The following CPEB1 variants were observed in gnomAD, a reference collection of about 807,000 sequenced individuals.
CPEB1 encodes cytoplasmic polyadenylation element binding protein 1, also known as cytoplasmic polyadenylation element-binding protein 1.
In CPEB1, 7 loss-of-function variants were observed where a neutral mutation model predicts 65.8. That is an observed-to-expected ratio of 0.11 (90% CI 0.06 to 0.20). The LOEUF (loss-of-function observed/expected upper bound fraction) is 0.20, where lower values mean the gene tolerates loss of function less well. Among genes scored for constraint, CPEB1 ranks in the 10% least tolerant of loss-of-function variants. The pLI is 1.00. For synonymous variants in CPEB1, 262 were observed against 260.0 expected (o/e 1.01, Z -0.08); for missense variants, 551 against 712.2 (o/e 0.77, Z 2.58).
chr15:82,631,315 C>T (rs897693918), intron 1 of CPEB1, among the ~76,000 whole-genome samples: 2 of 152,030 alleles, frequency 1.3e-5, no homozygotes, highest in African/African-American at 4.8e-5. Flanking sequence ...CAAGCCAGAG[C>T]TCTAGCTTAA....
intron 4 of CPEB1, among the ~76,000 whole-genome samples, chr15:82,559,978 G>A (rs891708300): frequency 6.6e-6 from 1 of 152,260 alleles, no homozygotes; most frequent in East Asian, 1.9e-4. Flanking sequence ...CAGCTACTCG[G>A]GAAGCTGAGG....
chr15:82,581,887 C>T (rs1383563823), intron 3 of CPEB1, among the ~76,000 whole-genome samples: 2 of 152,212 alleles, frequency 1.3e-5, no homozygotes, highest in Non-Finnish European at 2.9e-5. Context: ...CTGACTCAAG[C>T]TGGGCAAGAA....
At chr15:82,613,872 C>T (rs533024120) in intron 3 of CPEB1, among the ~76,000 whole-genome samples, 16 of 152,206 alleles carry the variant, frequency 1.1e-4, no homozygotes, top group Admixed American at 7.2e-4. Flanking sequence ...CCGCTCCCCC[C>T]TCAATGCCCC....
chr15:82,608,597 T>C (rs1395976329), intron 3 of CPEB1, among the ~76,000 whole-genome samples: 2 of 152,348 alleles, frequency 1.3e-5, no homozygotes, highest in South Asian at 4.1e-4. Flanking sequence ...TTGTTTTTAG[T>C]TTTTAAACAA....
chr15:82,614,197 C>A (rs769005713), intron 3 of CPEB1, among the ~76,000 whole-genome samples: 1 of 152,172 alleles, frequency 6.6e-6, no homozygotes, highest in Non-Finnish European at 1.5e-5. Flanking sequence ...TGGAGTGCAG[C>A]AGCATTATCA....
At chr15:82,634,798 A>G (rs188598742) in intron 1 of CPEB1, among the ~76,000 whole-genome samples, 4 of 152,254 alleles carry the variant, frequency 2.6e-5, no homozygotes, top group African/African-American at 9.6e-5. Flanking sequence ...AGAAAGTAAT[A>G]TACTTAGATG....
chr15:82,613,033 GAAA>G (rs919916133), intron 3 of CPEB1, among the ~76,000 whole-genome samples: 1 of 139,298 alleles, frequency 7.2e-6, no homozygotes, highest in Admixed American at 7.2e-5. Flanking sequence ...GAACAGCGAG[GAAA>G]AAAAAAAACT....
chr15:82,643,295 T>C (rs587709401), intron 1 of CPEB1, among the ~76,000 whole-genome samples: 3 of 152,212 alleles, frequency 2.0e-5, no homozygotes, highest in Non-Finnish European at 2.9e-5. Flanking sequence ...CAGAAAAAAA[T>C]TCTTTGGCAA....
chr15:82,591,605 T>A (rs2042258150), intron 3 of CPEB1, among the ~76,000 whole-genome samples: 2 of 152,106 alleles, frequency 1.3e-5, no homozygotes, highest in Non-Finnish European at 2.9e-5. Context: ...AAAGCTTTTT[T>A]CATATGCTTG....
chr15:82,606,200 G>A (rs1465270803), intron 3 of CPEB1, among the ~76,000 whole-genome samples: 1 of 152,132 alleles, frequency 6.6e-6, no homozygotes, highest in Non-Finnish European at 1.5e-5. Flanking sequence ...GGGCATGGTG[G>A]CTCACGCCTG....
At position 82,579,918 on chromosome 15, in the gene CPEB1, C is replaced by CAAAAAAAAA. The variant is rs59925251; in HGVS notation, c.272-8395_272-8387dup. The stretch of plus-strand genomic sequence containing the variant: ...TGGGCGACAGAGTGAGACTCCGTCT[C>CAAAAAAAAA]AAAAAAAAAAAAAAAAAAAAAAAAA... On this transcript the variant is annotated intron_variant, in intron 3 of 12. Transcript: ENST00000684509. 1.8e-4 allele frequency among the ~76,000 whole-genome samples: 6 copies of CAAAAAAAAA among 32,676 alleles called. 1 individual carries two copies. The highest frequency in any genetic ancestry group is 8.8e-4 in the Admixed American group (2 of 2,262). The allele number at this position is 32,676 out of a possible 152,430, so 21.4% of individuals were successfully genotyped here.
chr15:82,619,802 A>T lies in CPEB1; in HGVS notation c.271+7391T>A, dbSNP rs1303446187. Among the ~76,000 whole-genome samples the T allele has an allele frequency of 7.2e-5, 11 of 152,268 alleles. No homozygotes were observed. In the East Asian group the frequency reaches 1.9e-3, roughly 27 times the overall value. On this transcript the variant is annotated intron_variant, in intron 3 of 12. Transcript: ENST00000684509. ...CAATTATTGATGAGGATATGAAACA[A>T]CCCAAACCATCGTACACCACTGGAA...
At chr15:82,611,617 C>A (rs1217160799) in intron 3 of CPEB1, among the ~76,000 whole-genome samples, 2 of 151,374 alleles carry the variant, frequency 1.3e-5, no homozygotes, top group Non-Finnish European at 2.9e-5. Flanking sequence ...TAAAAATTAG[C>A]CAGCAGCCAC....
chr15:82,645,587 C>G (rs775453375), intron 1 of CPEB1, among the ~76,000 whole-genome samples: 7 of 152,152 alleles, frequency 4.6e-5, no homozygotes, highest in Non-Finnish European at 1.0e-4. Flanking sequence ...AAGCGAAACT[C>G]AGCCAGGCAA....
intron 3 of CPEB1, among the ~76,000 whole-genome samples, chr15:82,621,360 G>A (rs57181760): frequency 0.4 from 60,277 of 150,886 alleles, 12,066 homozygotes; most frequent in South Asian, 0.49. Context: ...AGTGGCTCAC[G>A]CCTGTAATCC....
intron 3 of CPEB1, among the ~76,000 whole-genome samples, chr15:82,607,220 A>G (rs2151222327): frequency 6.6e-6 from 1 of 152,320 alleles, no homozygotes; most frequent in East Asian, 1.9e-4. Flanking sequence ...TAAATGACAG[A>G]CTGACAGAAT....
chr15:82,600,965 C>T (rs1405497896), intron 3 of CPEB1, among the ~76,000 whole-genome samples: 6 of 135,798 alleles, frequency 4.4e-5, no homozygotes, highest in Admixed American at 2.5e-4. Flanking sequence ...AGTGCAGTGG[C>T]GCAACCTCCG....
At chr15:82,634,872 T>C (rs1186886535) in intron 1 of CPEB1, among the ~76,000 whole-genome samples, 3 of 152,174 alleles carry the variant, frequency 2.0e-5, no homozygotes, top group Non-Finnish European at 4.4e-5. Flanking sequence ...CTATTTTTAT[T>C]TTTGAAACAG....
chr15:82,550,510 C>CA (rs1275363576), intron 9 of CPEB1, among the ~76,000 whole-genome samples: 1 of 152,130 alleles, frequency 6.6e-6, no homozygotes, highest in Non-Finnish European at 1.5e-5. Context: ...GCAGGATGGG[C>CA]AAGCAAGGAA....
Sources: allele counts gnomAD v4.1 joint callset (sites outside exome capture counted in the v4.1 genomes callset), GRCh38; gene constraint gnomAD v4.1.1; transcripts MANE v1.5; gene names NCBI Gene and HGNC (gene_info 2026-07-23, HGNC 2026-07-21).